Variants in ADCY1 observed in about 807,000 individuals in gnomAD.
ADCY1 encodes adenylate cyclase type 1.
ADCY1 carries 28 observed loss-of-function variants against 105.4 expected under a neutral mutation model. The observed-to-expected ratio is 0.27, with a 90% CI of 0.20 to 0.36. ADCY1 has a LOEUF of 0.36. Ranked by LOEUF, ADCY1 falls within the 10% of genes least tolerant of loss-of-function variation. The pLI is 1.00. For missense variants in ADCY1, 977 were observed against 1,434.2 expected (o/e 0.68, Z 5.15); for synonymous variants, 655 against 623.8 (o/e 1.05, Z -0.75).
chr7:45,662,889 TC>T (rs1281810107), intron 8 of ADCY1, among the ~76,000 whole-genome samples: 1 of 152,164 alleles, frequency 6.6e-6, no homozygotes, highest in Non-Finnish European at 1.5e-5. Context: ...CTTTTGCAGT[TC>T]CAGTGTCACC....
Position 45,679,791 on chromosome 7 carries a change from C to T in ADCY1, c.1981C>T (p.Gln661Ter). 1 of 1,614,018 alleles carries T rather than the reference C, an allele frequency of 6.2e-7. No homozygotes were observed. Among genetic ancestry groups the T allele is most frequent in the Non-Finnish European group, 8.5e-7 (1 of 1,179,972 alleles). ...CCTGTACCTGCACATCACCCGGGTC[C>T]AGGTATGTGGGTGGCCTGTGTCCTG... ...CVLYLHITRV[Q>*]CFPGCLTIQI... The change falls in exon 11 of 20, where the codon CAG becomes TAG. Residue 661 changes from glutamine to a stop codon, truncating the protein, a stop_gained and splice_region_variant. Coordinates refer to ENST00000297323, the MANE Select transcript of ADCY1 (RefSeq NM_021116.4). LOFTEE classifies it high-confidence loss of function.
At chr7:45,680,185 A>G (rs1405616937) in intron 11 of ADCY1, among the ~76,000 whole-genome samples, 2 of 152,232 alleles carry the variant, frequency 1.3e-5, no homozygotes, top group Non-Finnish European at 2.9e-5. Context: ...GATTAAACAA[A>G]TGAGCACAAG....
chr7:45,648,605 C>T, intron 4 of ADCY1, 65 bp from the exon 5 acceptor site: 1 of 1,601,440 alleles, frequency 6.2e-7, no homozygotes, highest in African/African-American at 1.3e-5. Context: ...GGTGGTGGAG[C>T]CAGCAGTGGC....
intron 11 of ADCY1, among the ~76,000 whole-genome samples, chr7:45,683,876 C>T (rs564596732): frequency 7.5e-4 from 115 of 152,334 alleles, no homozygotes; most frequent in Non-Finnish European, 1.2e-3. Flanking sequence ...AAATCCTGTT[C>T]CCAGGCCTGT....
rs865933325 is a variant in ADCY1 at position 45,711,344 on chromosome 7, G to A, written c.3057+692G>A. 3.3e-5 allele frequency among the ~76,000 whole-genome samples: 5 copies of A among 152,178 alleles called. No individual in the cohort carries two copies. In the South Asian group the frequency reaches 6.2e-4, roughly 19 times the overall value. On this transcript the variant is annotated intron_variant, in intron 19 of 19. Coordinates refer to ENST00000297323, the MANE Select transcript of ADCY1 (RefSeq NM_021116.4). ...GAGGGAAGGCTTGGTCCCCAGGCAC[G>A]TGACAGCAGCTATTCACGGGGGCAG...
chr7:45,590,046 C>T (rs1168105310), intron 1 of ADCY1, among the ~76,000 whole-genome samples: 2 of 152,080 alleles, frequency 1.3e-5, no homozygotes, highest in Non-Finnish European at 2.9e-5. Context: ...GAAAGGGTTC[C>T]TTGGGCCCTG....
intron 18 of ADCY1, among the ~76,000 whole-genome samples, chr7:45,709,203 ATGG>A (rs1785178756): frequency 6.6e-6 from 1 of 152,184 alleles, no homozygotes; most frequent in Non-Finnish European, 1.5e-5. Context: ...GGCTTTAGGC[ATGG>A]TGTCTGGGCA....
At position 45,686,932 on chromosome 7, in the gene ADCY1, T is replaced by C. The variant is rs1470490455; in HGVS notation, c.2454+259T>C. The stretch of plus-strand genomic sequence containing the variant: ...CATGTTGTGGAGACCTGCCTGATGG[T>C]CAGAGCGTGGCTCTTTCACGAGGCA... On this transcript the variant is annotated intron_variant, in intron 14 of 19. Coordinates refer to ENST00000297323, the MANE Select transcript of ADCY1 (RefSeq NM_021116.4). The surrounding 1 kb of genome is among the most constrained non-coding windows in gnomAD (Gnocchi z 4.3). 6.6e-6 allele frequency among the ~76,000 whole-genome samples: 1 copy of C among 152,130 alleles called. No individual in the cohort carries two copies. The highest frequency in any genetic ancestry group is 1.9e-4 in the East Asian group (1 of 5,174).
At chr7:45,586,513 T>C (rs1396634292) in intron 1 of ADCY1, among the ~76,000 whole-genome samples, 1 of 152,230 alleles carries the variant, frequency 6.6e-6, no homozygotes, top group East Asian at 1.9e-4. Context: ...CCAACAATTA[T>C]CAGCATTCTG....
At chr7:45,635,601 GTTTTTTTTTTTTT>G (rs71030884) in intron 4 of ADCY1, among the ~76,000 whole-genome samples, 16 of 57,204 alleles carry the variant, frequency 2.8e-4, no homozygotes, top group East Asian at 4.6e-4. Context: ...AATTTCTCTT[GTTTTTTTTTTTTT>G]TTTTTTTTTT....
intron 5 of ADCY1, among the ~76,000 whole-genome samples, chr7:45,651,140 T>C (rs1038320943): frequency 2.0e-5 from 3 of 151,470 alleles, no homozygotes; most frequent in African/African-American, 7.3e-5. Flanking sequence ...TCCCAGGGCC[T>C]CAGGAAGCTC....
intron 3 of ADCY1, among the ~76,000 whole-genome samples, chr7:45,610,796 GT>G (rs1793535696): frequency 1.9e-5 from 2 of 103,636 alleles, no homozygotes; most frequent in Non-Finnish European, 4.1e-5. Flanking sequence ...GATGGTGGAG[GT>G]GGGGAGGTGA....
rs188095283 is a variant in ADCY1 at position 45,707,344 on chromosome 7, A to C, written c.2818-1006A>C. 7.2e-5 allele frequency among the ~76,000 whole-genome samples: 11 copies of C among 152,368 alleles called. No homozygotes were observed. The East Asian group carries it at 2.1e-3, about 29-fold the overall frequency. On this transcript the variant is annotated intron_variant, in intron 17 of 19. Transcript: ENST00000297323. The stretch of plus-strand genomic sequence containing the variant: ...TGGTATATCCATAAGGTAGAATATT[A>C]TTAAGTGAGAAGAAATGAGCTATTA...
chr7:45,657,951 CCTTG>C, intron 6 of ADCY1, 66 bp downstream of exon 6: 1 of 1,516,362 alleles, frequency 6.6e-7, no homozygotes, highest in Non-Finnish European at 8.9e-7. Flanking sequence ...TGGGCTAAAT[CCTTG>C]CTTCAGGTTC....
At chr7:45,646,212 G>A (rs866046258) in intron 4 of ADCY1, among the ~76,000 whole-genome samples, 2 of 152,146 alleles carry the variant, frequency 1.3e-5, no homozygotes, top group Non-Finnish European at 2.9e-5. Context: ...TGGGCCTGGA[G>A]GCTCTGGTGA....
At chr7:45,582,087 C>T (rs532668228) in intron 1 of ADCY1, among the ~76,000 whole-genome samples, 1 of 152,216 alleles carries the variant, frequency 6.6e-6, no homozygotes, top group South Asian at 2.1e-4. Flanking sequence ...CAAATACATG[C>T]ATGCTCACCC....
chr7:45,721,647 T>C lies in ADCY1; in HGVS notation c.*7652T>C. On this transcript the variant is annotated 3_prime_UTR_variant, in exon 20 of 20. Transcript: ENST00000297323. Reference sequence around the variant, plus strand: ...TCTGCTGTAGAGCCATTTAATGTTATTGTCATATGCTGCTGGTGAGGTAAA... The same window carrying C: ...TCTGCTGTAGAGCCATTTAATGTTACTGTCATATGCTGCTGGTGAGGTAAA... 1 of 398,624 alleles carries C rather than the reference T, an allele frequency of 2.5e-6. No individual in the cohort carries two copies. Among genetic ancestry groups the C allele is most frequent in the Non-Finnish European group, 4.4e-6 (1 of 226,066 alleles). The allele number at this position is 398,624 out of a possible 1,614,324, so 24.7% of individuals were successfully genotyped here.
intron 1 of ADCY1, among the ~76,000 whole-genome samples, chr7:45,579,482 A>AC (rs1270466330): frequency 6.7e-6 from 1 of 149,894 alleles, no homozygotes; most frequent in Non-Finnish European, 1.5e-5. Context: ...TCCCCCACGG[A>AC]CCCCTCCTCC....
chr7:45,626,789 G>A (rs1794071458), intron 4 of ADCY1, among the ~76,000 whole-genome samples: 1 of 152,216 alleles, frequency 6.6e-6, no homozygotes, highest in South Asian at 2.1e-4. Flanking sequence ...GCAGAGGGGA[G>A]CTCGATTAGG....
Sources: gnomAD v4.1 joint callset for allele counts (sites outside exome capture counted in the v4.1 genomes callset) on GRCh38, gnomAD v4.1.1 for gene constraint, Gnocchi (gnomAD v3.1) non-coding constraint, MANE v1.5 for transcripts, NCBI Gene and HGNC (gene_info 2026-07-23, HGNC 2026-07-21) for gene names.